The following ARHGAP15 variants were observed in gnomAD, a reference collection of about 807,000 sequenced individuals.
ARHGAP15 encodes Rho GTPase activating protein 15.
Under a neutral mutation model 63.7 loss-of-function variants are expected in ARHGAP15, and 51 were observed. That is an observed-to-expected ratio of 0.80 (90% confidence interval 0.64 to 1.01). The LOEUF is 1.01. Ranked by LOEUF, ARHGAP15 falls within the 50% of genes least tolerant of loss-of-function variation. The probability of loss-of-function intolerance (pLI) is 0.00; values close to 1 mark genes in which losing one functional copy is unlikely to be tolerated. For missense variants in ARHGAP15, 560 were observed against 564.6 expected, an observed-to-expected ratio of 0.99 and a Z score of 0.08; for synonymous variants, 191 against 193.8, an observed-to-expected ratio of 0.99 and a Z score of 0.12.
intron 9 of ARHGAP15, among the ~76,000 whole-genome samples, chr2:143,503,932 G>A (rs1025914508): frequency 3.9e-5 from 6 of 152,142 alleles, no homozygotes; most frequent in Admixed American, 6.5e-5. Flanking sequence ...CAAAAACAAC[G>A]GTGTAATATA....
chr2:143,734,471 T>G (rs538725396), intron 13 of ARHGAP15, among the ~76,000 whole-genome samples: 1 of 152,346 alleles, frequency 6.6e-6, no homozygotes, highest in East Asian at 1.9e-4. Flanking sequence ...AAATCCCATG[T>G]TCTCATAAAT....
chr2:143,426,170 A>G (rs185554582), intron 6 of ARHGAP15, among the ~76,000 whole-genome samples: 2 of 152,244 alleles, frequency 1.3e-5, no homozygotes, highest in Admixed American at 6.5e-5. Flanking sequence ...ATGTCTGAGA[A>G]AATAGTTATA....
intron 4 of ARHGAP15, among the ~76,000 whole-genome samples, chr2:143,217,309 G>A (rs1184217413): frequency 2.0e-5 from 3 of 152,164 alleles, no homozygotes; most frequent in African/African-American, 4.8e-5. Context: ...TGGTTATAAT[G>A]AATTAATATA....
At chr2:143,348,600 T>C (rs1379732708) in intron 6 of ARHGAP15, among the ~76,000 whole-genome samples, 2 of 152,158 alleles carry the variant, frequency 1.3e-5, no homozygotes, top group African/African-American at 4.8e-5. Flanking sequence ...GCTTATGAAG[T>C]CATTCACGTT....
intron 6 of ARHGAP15, among the ~76,000 whole-genome samples, chr2:143,425,596 C>A (rs904346174): frequency 6.6e-6 from 1 of 151,786 alleles, no homozygotes; most frequent in Admixed American, 6.6e-5. Flanking sequence ...TAAAGATAAC[C>A]CTTTTGAGTA....
intron 2 of ARHGAP15, among the ~76,000 whole-genome samples, chr2:143,163,796 T>C (rs770238447): frequency 1.3e-5 from 2 of 152,072 alleles, no homozygotes; most frequent in Non-Finnish European, 2.9e-5. Flanking sequence ...GGAGGCGATA[T>C]AAGTGGGGGC....
At chr2:143,444,488 T>G (rs1690043834) in intron 8 of ARHGAP15, among the ~76,000 whole-genome samples, 2 of 152,228 alleles carry the variant, frequency 1.3e-5, no homozygotes, top group South Asian at 4.1e-4. Context: ...AGTGAATCCA[T>G]GTGCAGAGCA....
At chr2:143,751,376 A>G (rs759229359) in intron 13 of ARHGAP15, among the ~76,000 whole-genome samples, 1 of 152,182 alleles carries the variant, frequency 6.6e-6, no homozygotes, top group South Asian at 2.1e-4. Context: ...CGGACTTGAC[A>G]CTTGGAAACT....
At chr2:143,608,179 G>A (rs1470502255) in intron 11 of ARHGAP15, 1 of 152,120 alleles carries the variant, frequency 6.6e-6, no homozygotes, top group African/African-American at 2.4e-5. Context: ...AAATTAATAT[G>A]AAAGATCCCA....
intron 8 of ARHGAP15, among the ~76,000 whole-genome samples, chr2:143,481,196 C>T (rs1363701441): frequency 3.3e-5 from 5 of 151,854 alleles, no homozygotes; most frequent in African/African-American, 9.7e-5. Flanking sequence ...CCTTGATGTC[C>T]TTTTGGAATT....
chr2:143,320,685 G>A (rs183811567), intron 6 of ARHGAP15, among the ~76,000 whole-genome samples: 6 of 151,298 alleles, frequency 4.0e-5, no homozygotes, highest in African/African-American at 1.4e-4. Context: ...AGGGAAGCTT[G>A]GGAAAATTCT....
At chr2:143,469,768 A>G (rs1691426480) in intron 8 of ARHGAP15, among the ~76,000 whole-genome samples, 1 of 152,244 alleles carries the variant, frequency 6.6e-6, no homozygotes, top group African/African-American at 2.4e-5. Context: ...TACTTTGGAT[A>G]GATTGAGTGA....
chr2:143,227,171 C>A (rs1010717954), intron 4 of ARHGAP15, among the ~76,000 whole-genome samples: 1 of 152,110 alleles, frequency 6.6e-6, no homozygotes, highest in Non-Finnish European at 1.5e-5. Context: ...CAAAAGAGTG[C>A]CTTCATGACA....
At chr2:143,265,236 T>C (rs1354124271) in intron 6 of ARHGAP15, among the ~76,000 whole-genome samples, 1 of 145,196 alleles carries the variant, frequency 6.9e-6, no homozygotes, top group Non-Finnish European at 1.5e-5. Flanking sequence ...TTTTTTTTTT[T>C]AATAGAACGA....
intron 6 of ARHGAP15, among the ~76,000 whole-genome samples, chr2:143,342,376 T>C (rs1276677798): frequency 6.6e-6 from 1 of 151,986 alleles, no homozygotes; most frequent in Non-Finnish European, 1.5e-5. Context: ...GAAAAAGAAG[T>C]GTCTCGAATA....
At position 143,715,081 on chromosome 2, in the gene ARHGAP15, GA is replaced by G. The variant is rs200208687; in HGVS notation, c.1244+11567del. 3.4e-4 allele frequency among the ~76,000 whole-genome samples: 50 copies of G among 148,530 alleles called. No homozygotes were observed. The East Asian group carries it at 3.7e-3, about 11-fold the overall frequency. ...CTGATAAAGACATACTCAAGACTGG[GA>G]AAAAAAAAAGAGGTTTAATTGGACT... On this transcript the variant is annotated intron_variant, in intron 13 of 13. Coordinates refer to ENST00000295095, the MANE Select transcript of ARHGAP15 (RefSeq NM_018460.4).
intron 13 of ARHGAP15, among the ~76,000 whole-genome samples, chr2:143,742,527 T>C (rs1369807583): frequency 1.3e-5 from 2 of 152,202 alleles, no homozygotes; most frequent in African/African-American, 4.8e-5. Flanking sequence ...AATGTCTCCC[T>C]CTTATGTCAG....
intron 9 of ARHGAP15, among the ~76,000 whole-genome samples, chr2:143,504,291 A>C (rs1413501484): frequency 3.3e-5 from 5 of 152,278 alleles, no homozygotes; most frequent in Admixed American, 3.3e-4. Context: ...ACATGTATTG[A>C]GGACCTAGCA....
chr2:143,414,115 T>C (rs569472610), intron 6 of ARHGAP15, among the ~76,000 whole-genome samples: 1 of 151,420 alleles, frequency 6.6e-6, no homozygotes, highest in East Asian at 1.9e-4. Flanking sequence ...AAAATATATA[T>C]GTATATGTAT....
Sources: allele counts gnomAD v4.1 joint callset (sites outside exome capture counted in the v4.1 genomes callset), GRCh38; gene constraint gnomAD v4.1.1; transcripts MANE v1.5; gene names NCBI Gene and HGNC (gene_info 2026-07-23, HGNC 2026-07-21).